The following KIFAP3 variants were observed in gnomAD, a reference collection of about 807,000 sequenced individuals.
KIFAP3 encodes kinesin associated protein 3.
A neutral mutation model predicts 106.5 loss-of-function variants in KIFAP3; 68 were observed. The observed-to-expected ratio is 0.64, with a 90% CI of 0.53 to 0.78. KIFAP3 has a LOEUF of 0.78. Among genes scored for constraint, KIFAP3 ranks in the 30% least tolerant of loss-of-function variants. The pLI, the probability that KIFAP3 is intolerant of heterozygous loss-of-function variation, is 0.00. For synonymous variants in KIFAP3, 320 were observed against 311.5 expected (o/e 1.03, Z -0.29); for missense variants, 780 against 941.8 (o/e 0.83, Z 2.25).
chr1:169,967,890 C>T (rs1375704791), intron 17 of KIFAP3, among the ~76,000 whole-genome samples: 1 of 151,742 alleles, frequency 6.6e-6, no homozygotes, highest in Non-Finnish European at 1.5e-5. Context: ...ATTATTCACT[C>T]CCCTATACCC....
chr1:169,984,498 T>C, intron 12 of KIFAP3, 84 bp downstream of exon 12: 1 of 570,984 alleles, frequency 1.8e-6, no homozygotes, highest in Non-Finnish European at 3.1e-6. Context: ...ATAATCATTA[T>C]AATTCTTAAT....
At chr1:169,927,268 A>G (rs1022184326) in intron 19 of KIFAP3, among the ~76,000 whole-genome samples, 3 of 152,214 alleles carry the variant, frequency 2.0e-5, no homozygotes, top group Admixed American at 6.5e-5. Context: ...TGGGAAGGCA[A>G]TAACAAATAC....
At chr1:169,935,361 T>C (rs923597149) in intron 19 of KIFAP3, among the ~76,000 whole-genome samples, 5 of 152,052 alleles carry the variant, frequency 3.3e-5, no homozygotes, top group African/African-American at 1.2e-4. Flanking sequence ...CTTGATACTG[T>C]CTACACAAAT....
At chr1:170,020,377 T>G (rs1668747593) in intron 9 of KIFAP3, among the ~76,000 whole-genome samples, 2 of 152,214 alleles carry the variant, frequency 1.3e-5, no homozygotes, top group Admixed American at 6.5e-5. Context: ...GAAAGAGGTA[T>G]CAATGAAAGC....
upstream of KIFAP3, chr1:170,074,814 A>C: frequency 8.8e-7 from 1 of 1,140,440 alleles, no homozygotes; most frequent in Non-Finnish European, 1.1e-6. Context: ...GTTTTGGTGC[A>C]GTTTTGAGCG....
upstream of KIFAP3, among the ~76,000 whole-genome samples, chr1:170,074,985 C>A (rs974683472): frequency 6.6e-6 from 1 of 152,174 alleles, no homozygotes; most frequent in Non-Finnish European, 1.5e-5. Context: ...TATTTGGGGG[C>A]CTGAATGGCC....
At position 170,039,230 on chromosome 1, in the gene KIFAP3, T is replaced by C. The variant is rs772505841; in HGVS notation, c.375+3A>G. ...TATTAGATCAGAATGCATGCAGTCT[T>C]ACCTCCATTCCTTCAAAAGGAGGTG... On this transcript the variant is annotated splice_donor_region_variant and intron_variant, in intron 4 of 19. Transcript: ENST00000361580. 2.4e-5 allele frequency: 38 copies of C among 1,587,584 alleles called. No homozygotes were observed. The highest frequency in any genetic ancestry group is 3.1e-5 in the Non-Finnish European group (36 of 1,161,218).
chr1:169,951,584 A>G (rs1013444230), intron 19 of KIFAP3, among the ~76,000 whole-genome samples: 6 of 152,082 alleles, frequency 3.9e-5, no homozygotes, highest in Admixed American at 6.5e-5. Flanking sequence ...GACCCAGTAC[A>G]TAACTTGTGG....
At chr1:170,055,153 T>TA (rs964808607) in intron 2 of KIFAP3, 152 bp downstream of exon 2, 2 of 645,422 alleles carry the variant, frequency 3.1e-6, no homozygotes, top group Admixed American at 3.8e-5. Flanking sequence ...ACTCCATACT[T>TA]ACAGTTTAAT....
At chr1:169,927,254 G>T (rs989264805) in intron 19 of KIFAP3, among the ~76,000 whole-genome samples, 6 of 152,122 alleles carry the variant, frequency 3.9e-5, no homozygotes, top group African/African-American at 1.4e-4. Flanking sequence ...AAAAAACATG[G>T]TGCTGGGAAG....
At chr1:170,013,453 T>A (rs181709191) in intron 10 of KIFAP3, among the ~76,000 whole-genome samples, 18 of 149,574 alleles carry the variant, frequency 1.2e-4, no homozygotes, top group African/African-American at 4.4e-4. Context: ...ATTATCTACA[T>A]ACTGAAGATG....
chr1:169,922,788 T>C (rs570509762), intron 19 of KIFAP3, among the ~76,000 whole-genome samples: 1 of 152,162 alleles, frequency 6.6e-6, no homozygotes, highest in Non-Finnish European at 1.5e-5. Flanking sequence ...CATATTTAAA[T>C]GATTTAAGAT....
At chr1:170,041,892 A>G in intron 3 of KIFAP3, 1 of 1,360,668 alleles carries the variant, frequency 7.3e-7, no homozygotes, top group Non-Finnish European at 9.5e-7. Flanking sequence ...AAGGAGAATA[A>G]AGGGCAACAT....
At chr1:170,037,573 A>G (rs901234428) in intron 5 of KIFAP3, among the ~76,000 whole-genome samples, 2 of 151,706 alleles carry the variant, frequency 1.3e-5, no homozygotes, top group African/African-American at 4.8e-5. Context: ...CTACTAAAAA[A>G]AAAAAAACAA....
chr1:169,953,396 T>C (rs1664830485), intron 19 of KIFAP3, among the ~76,000 whole-genome samples: 2 of 152,258 alleles, frequency 1.3e-5, no homozygotes, highest in South Asian at 4.1e-4. Flanking sequence ...TTTTATATTT[T>C]AATGGCTTTG....
intron 10 of KIFAP3, among the ~76,000 whole-genome samples, chr1:170,014,708 A>C (rs950959703): frequency 6.6e-6 from 1 of 152,196 alleles, no homozygotes. Context: ...TAAAAAAATT[A>C]CCTGGTTTGT....
At chr1:170,021,561 T>C (rs945400811) in intron 9 of KIFAP3, among the ~76,000 whole-genome samples, 2 of 149,730 alleles carry the variant, frequency 1.3e-5, no homozygotes, top group African/African-American at 4.9e-5. Flanking sequence ...TGCCTCAGCC[T>C]CCTAAGTAGC....
intron 10 of KIFAP3, among the ~76,000 whole-genome samples, chr1:169,997,869 AAAAAAAAAAAAAAG>A (rs1168512725): frequency 4.8e-5 from 2 of 41,814 alleles, no homozygotes; most frequent in Non-Finnish European, 7.1e-5. Flanking sequence ...GACGTCTCAA[AAAAAAAAAAAAAAG>A]AAAAAAAAAA....
chr1:170,062,272 C>T (rs1458086324), intron 1 of KIFAP3, among the ~76,000 whole-genome samples: 5 of 148,726 alleles, frequency 3.4e-5, no homozygotes, highest in Non-Finnish European at 7.5e-5. Flanking sequence ...AAAAAAAACC[C>T]ACCACCCCCA....
Sources: allele counts gnomAD v4.1 joint callset (sites outside exome capture counted in the v4.1 genomes callset), GRCh38; gene constraint gnomAD v4.1.1; transcripts MANE v1.5; gene names NCBI Gene and HGNC (gene_info 2026-07-23, HGNC 2026-07-21).